The following EIF4E3 variants were observed in gnomAD, a reference collection of about 807,000 sequenced individuals.
The protein encoded by EIF4E3 is eukaryotic translation initiation factor 4E type 3.
In EIF4E3, 26 loss-of-function variants were observed where a neutral mutation model predicts 31.7. The ratio of observed to expected loss-of-function variants is 0.82; its 90% CI spans 0.60 to 1.14. The LOEUF (loss-of-function observed/expected upper bound fraction) is 1.14. Among genes scored for constraint, EIF4E3 ranks in the 50% most tolerant of loss-of-function variants. The pLI is 0.00. For synonymous variants in EIF4E3, 128 were observed against 107.7 expected, an observed-to-expected ratio of 1.19 and a Z score of -1.17; for missense variants, 304 against 270.9, an observed-to-expected ratio of 1.12 and a Z score of -0.86.
intron 6 of EIF4E3, among the ~76,000 whole-genome samples, chr3:71,686,168 T>C (rs748918700): frequency 1.1e-4 from 16 of 152,152 alleles, no homozygotes; most frequent in Non-Finnish European, 2.1e-4. Context: ...GTCTTTTTGA[T>C]TGATAGAGAC....
chr3:71,714,510 G>A (rs2049436246), intron 1 of EIF4E3, among the ~76,000 whole-genome samples: 2 of 152,150 alleles, frequency 1.3e-5, no homozygotes, highest in African/African-American at 2.4e-5. Context: ...CGGAAGTACT[G>A]ATGGTAGTAA....
chr3:71,751,458 T>C (rs2049928512), intron 1 of EIF4E3, among the ~76,000 whole-genome samples: 1 of 152,200 alleles, frequency 6.6e-6, no homozygotes, highest in Non-Finnish European at 1.5e-5. Flanking sequence ...AAAAGGTGGC[T>C]GCCATTAGTA....
chr3:71,746,644 G>A (rs1285688780), intron 1 of EIF4E3, among the ~76,000 whole-genome samples: 1 of 152,128 alleles, frequency 6.6e-6, no homozygotes, highest in Admixed American at 6.6e-5. Flanking sequence ...AGGCCACAGA[G>A]GTGACCTCAC....
At chr3:71,703,811 CAAAAA>C (rs370789059) in intron 2 of EIF4E3, among the ~76,000 whole-genome samples, 9,455 of 72,436 alleles carry the variant, frequency 0.13, 342 homozygotes, top group East Asian at 0.16. Flanking sequence ...AAACACACAT[CAAAAA>C]AAAAAAAAAA....
At chr3:71,698,598 C>T (rs1303625270) in intron 3 of EIF4E3, among the ~76,000 whole-genome samples, 1 of 152,204 alleles carries the variant, frequency 6.6e-6, no homozygotes, top group African/African-American at 2.4e-5. Flanking sequence ...CCCAGGCTAG[C>T]CTATGAGAGC....
rs376262270 is a variant in EIF4E3, at chr3:71,695,141, T to C, written c.406-1200A>G. Among the ~76,000 whole-genome samples, 409 of 152,236 alleles carry C rather than the reference T, an allele frequency of 2.7e-3. 1 individual carries two copies. The highest frequency in any genetic ancestry group is 4.4e-3 in the Non-Finnish European group (297 of 68,006). On this transcript the variant is annotated intron_variant, in intron 4 of 6. Transcript: ENST00000425534. ...CACCTAGGAATCATTGCTTCCGTTT[T>C]CTATCTGTCCAGCTACACTCCTTCA...
the EIF4E3 span, among the ~76,000 whole-genome samples, chr3:71,667,520 A>G: frequency 6.6e-6 from 1 of 152,242 alleles, no homozygotes; most frequent in African/African-American, 2.4e-5. Flanking sequence ...TCTCAGCCCC[A>G]AAACTCTGTA....
chr3:71,731,062 C>T (rs1456235401), intron 1 of EIF4E3, among the ~76,000 whole-genome samples: 1 of 152,124 alleles, frequency 6.6e-6, no homozygotes, highest in Non-Finnish European at 1.5e-5. Context: ...CCAGCCACTC[C>T]CAGTCCTCAC....
chr3:71,734,828 C>T (rs1220813411), intron 1 of EIF4E3, among the ~76,000 whole-genome samples: 2 of 152,334 alleles, frequency 1.3e-5, no homozygotes, highest in Non-Finnish European at 2.9e-5. Flanking sequence ...TGACTATGAC[C>T]TGCACAAGTA....
chr3:71,731,419 C>T (rs2049704914), intron 1 of EIF4E3, among the ~76,000 whole-genome samples: 1 of 152,186 alleles, frequency 6.6e-6, no homozygotes, highest in African/African-American at 2.4e-5. Context: ...CTTAGGCCTC[C>T]ACTCTAAAGC....
In EIF4E3 at chr3:71,725,149, A is replaced by G; in HGVS notation, c.176+43T>C. 9.6e-7 allele frequency: 1 copy of G among 1,041,978 alleles called. No homozygotes were observed. Among genetic ancestry groups the G allele is most frequent in the Non-Finnish European group, 1.2e-6 (1 of 869,182 alleles). 64.5% of individuals were successfully genotyped at this position (1,041,978 alleles called of 1,614,324 possible). A position where few individuals can be genotyped will look rare whatever the true frequency, so the allele number is the denominator to read the frequency against. Reference sequence around the variant, plus strand: ...GAGACAAAGCGGCGGTGGCGGCAGGACCCGGGTCGGGGCCGTGCGCGGCGG... The same window carrying G: ...GAGACAAAGCGGCGGTGGCGGCAGGGCCCGGGTCGGGGCCGTGCGCGGCGG... On this transcript the variant is annotated intron_variant, in intron 1 of 6. Transcript: ENST00000425534. The surrounding 1 kb of genome is among the most constrained non-coding windows in gnomAD (Gnocchi z 6.1).
At chr3:71,707,883 T>TC (rs2049317653) in intron 2 of EIF4E3, among the ~76,000 whole-genome samples, 1 of 151,050 alleles carries the variant, frequency 6.6e-6, no homozygotes, top group East Asian at 1.9e-4. Context: ...TTTTTTTTTT[T>TC]TTTTTGAGAG....
intron 1 of EIF4E3, among the ~76,000 whole-genome samples, chr3:71,734,718 G>C (rs2049743685): frequency 6.6e-6 from 1 of 152,082 alleles, no homozygotes; most frequent in African/African-American, 2.4e-5. Context: ...CGTCCAGATG[G>C]AAATGAATAA....
chr3:71,749,690 T>A (rs994913411), intron 1 of EIF4E3, among the ~76,000 whole-genome samples: 1 of 152,032 alleles, frequency 6.6e-6, no homozygotes, highest in African/African-American at 2.4e-5. Context: ...ACATAAATGA[T>A]TTGGGGAGTG....
intron 1 of EIF4E3, among the ~76,000 whole-genome samples, chr3:71,720,039 T>C (rs2049523164): frequency 6.6e-6 from 1 of 151,946 alleles, no homozygotes; most frequent in South Asian, 2.1e-4. Flanking sequence ...TCATATCTTA[T>C]ATTTTAAGAG....
chr3:71,662,399 T>C, the EIF4E3 span, among the ~76,000 whole-genome samples: 1 of 152,210 alleles, frequency 6.6e-6, no homozygotes, highest in Non-Finnish European at 1.5e-5. Flanking sequence ...GTTAGAAAGA[T>C]TACATGAGCT....
intron 3 of EIF4E3, among the ~76,000 whole-genome samples, chr3:71,697,713 A>T (rs970305254): frequency 2.0e-5 from 3 of 152,010 alleles, no homozygotes; most frequent in Admixed American, 6.6e-5. Context: ...ATGTTCTCCA[A>T]TTCCATCCAT....
intron 1 of EIF4E3, among the ~76,000 whole-genome samples, chr3:71,749,167 T>C (rs1231639669): frequency 1.3e-5 from 2 of 152,216 alleles, no homozygotes; most frequent in Admixed American, 6.5e-5. Context: ...CTTCCCACAA[T>C]GGGCTTTTGA....
intron 2 of EIF4E3, among the ~76,000 whole-genome samples, chr3:71,700,825 C>G (rs928556150): frequency 1.3e-5 from 2 of 152,186 alleles, no homozygotes; most frequent in Admixed American, 1.3e-4. Context: ...GTGTTACGGA[C>G]TGCACATCTG....
Sources: gnomAD v4.1 joint callset for allele counts (sites outside exome capture counted in the v4.1 genomes callset) on GRCh38, gnomAD v4.1.1 for gene constraint, Gnocchi (gnomAD v3.1) non-coding constraint, MANE v1.5 for transcripts, NCBI Gene and HGNC (gene_info 2026-07-23, HGNC 2026-07-21) for gene names.